Variants in FA2H observed in about 807,000 individuals in gnomAD.
FA2H encodes the protein fatty acid 2-hydroxylase.
Under a neutral mutation model 44.9 loss-of-function variants are expected in FA2H, and 22 were observed. That is an observed-to-expected ratio of 0.49 (90% confidence interval 0.35 to 0.70). The LOEUF (loss-of-function observed/expected upper bound fraction) is 0.70. Among genes scored for constraint, FA2H ranks in the 30% least tolerant of loss-of-function variants. FA2H has a pLI of 0.01. For synonymous variants in FA2H, 243 were observed against 213.2 expected, an observed-to-expected ratio of 1.14 and a Z score of -1.22; for missense variants, 501 against 504.9, an observed-to-expected ratio of 0.99 and a Z score of 0.07.
chr16:74,716,004 C>T (rs7192122), intron 6 of FA2H, among the ~76,000 whole-genome samples: 11,247 of 151,946 alleles, frequency 0.074, 837 homozygotes, highest in African/African-American at 0.19. Flanking sequence ...CTAGTGGAGA[C>T]AGGTTTCACC....
At chr16:74,740,630 A>AATAATG (rs1223060251) in intron 1 of FA2H, among the ~76,000 whole-genome samples, 4 of 83,152 alleles carry the variant, frequency 4.8e-5, no homozygotes, top group African/African-American at 1.2e-4. Flanking sequence ...AAATAATAAT[A>AATAATG]ATAATAATAA....
At chr16:74,765,397 T>A (rs986804396) in intron 1 of FA2H, among the ~76,000 whole-genome samples, 1 of 152,184 alleles carries the variant, frequency 6.6e-6, no homozygotes, top group African/African-American at 2.4e-5. Context: ...CCTCAGGTAA[T>A]CCGCCTGCCT....
rs372014989 is a variant in FA2H at position 74,758,251 on chromosome 16, G to A, written c.270+16235C>T. Among the ~76,000 whole-genome samples, 8 of 150,950 alleles carry A rather than the reference G, an allele frequency of 5.3e-5. No individual in the cohort carries two copies. In the East Asian group the frequency reaches 1.4e-3, roughly 26 times the overall value. Reference sequence around the variant, plus strand: ...TTCTCCTGCCTCAGCCTCCTGAGTAGCTGGGATTATAGGCGCACACCACCA... The same window carrying A: ...TTCTCCTGCCTCAGCCTCCTGAGTAACTGGGATTATAGGCGCACACCACCA... On this transcript the variant is annotated intron_variant, in intron 1 of 6. Transcript: ENST00000219368.
chr16:74,714,182 G>A lies in FA2H; in HGVS notation c.*8C>T, dbSNP rs376143745. 1 of 1,546,232 alleles carries A rather than the reference G, an allele frequency of 6.5e-7. No individual in the cohort carries two copies. The highest frequency in any genetic ancestry group is 8.8e-7 in the Non-Finnish European group (1 of 1,140,368). Reference sequence around the variant, plus strand: ...GGGCTGAGGGCAGGACGGAGGGGGTGGGAGTTGTCACTGCGTCTTCAGGTG... The same window carrying A: ...GGGCTGAGGGCAGGACGGAGGGGGTAGGAGTTGTCACTGCGTCTTCAGGTG... On this transcript the variant is annotated 3_prime_UTR_variant, in exon 7 of 7. Coordinates refer to ENST00000219368, the MANE Select transcript of FA2H (RefSeq NM_024306.5).
Position 74,726,233 on chromosome 16 carries a change from A to T in FA2H, c.605T>A (p.Phe202Tyr). 1 of 1,611,672 alleles carries T rather than the reference A, an allele frequency of 6.2e-7. No homozygotes were observed. Among genetic ancestry groups the T allele is most frequent in the East Asian group, 2.2e-5 (1 of 44,858 alleles). The change falls in exon 4 of 7, where the codon TTT becomes TAT. Residue 202 changes from phenylalanine to tyrosine, a missense_variant. Phe to Tyr is a conservative substitution (Grantham distance 22, BLOSUM62 3). Coordinates refer to ENST00000219368, the MANE Select transcript of FA2H (RefSeq NM_024306.5). ...AAAGAAACTGGCATTACCTGTTGTA[A>T]ATGACGTGAAGAGTCGGACGTTGCC... ...AQGNVRLFTS[F>Y]TTEYTVAVPK...
Position 74,716,564 on chromosome 16 carries a change from AG to A in FA2H, c.821del (p.Pro274LeufsTer7), listed in dbSNP as rs1208354117. On this transcript the variant is annotated frameshift_variant, in exon 6 of 7. Coordinates refer to ENST00000219368, the MANE Select transcript of FA2H (RefSeq NM_024306.5). LOFTEE classifies it high-confidence loss of function. ...CGCCGATCACCAGGGAGGCTGGCAC[AG>A]GGGGGAAGACCAGGCGGGAGCCGTC... The part of the protein sequence containing the change: ...PFDGSRLVFP[P>X]VPASLVIGVF... The A allele has an allele frequency of 6.3e-7, 1 of 1,597,188 alleles. No individual in the cohort carries two copies. Among genetic ancestry groups the A allele is most frequent in the East Asian group, 2.3e-5 (1 of 44,060 alleles).
chr16:74,717,028 G>A (rs1961721792), intron 5 of FA2H: 1 of 188,262 alleles, frequency 5.3e-6, no homozygotes, highest in African/African-American at 2.3e-5. Context: ...TGTTGTCTGG[G>A]AGAGCAAGGC....
At chr16:74,733,446 C>G (rs1321703293) in intron 2 of FA2H, among the ~76,000 whole-genome samples, 1 of 152,174 alleles carries the variant, frequency 6.6e-6, no homozygotes, top group African/African-American at 2.4e-5. Context: ...CTCCCTCCCC[C>G]TTCCCCCAGC....
chr16:74,737,919 T>G (rs1962213861), intron 2 of FA2H, among the ~76,000 whole-genome samples: 1 of 152,178 alleles, frequency 6.6e-6, no homozygotes, highest in South Asian at 2.1e-4. Context: ...CCCCAGCCTC[T>G]CTGTTCCCAC....
intron 1 of FA2H, among the ~76,000 whole-genome samples, chr16:74,748,801 G>C (rs981430903): frequency 2.0e-5 from 3 of 152,226 alleles, no homozygotes; most frequent in Non-Finnish European, 4.4e-5. Context: ...CCGGCATAAA[G>C]GCATGTTGTT....
chr16:74,768,466 G>A (rs910417582), intron 1 of FA2H, among the ~76,000 whole-genome samples: 5 of 152,216 alleles, frequency 3.3e-5, no homozygotes, highest in Non-Finnish European at 7.3e-5. Flanking sequence ...CCCTGCAGGT[G>A]GTAGAGGGCA....
chr16:74,752,256 C>T (rs1421519203), intron 1 of FA2H, among the ~76,000 whole-genome samples: 2 of 152,168 alleles, frequency 1.3e-5, no homozygotes, highest in African/African-American at 2.4e-5. Flanking sequence ...ACATGGCAGC[C>T]AGAGCTAACT....
At chr16:74,738,883 C>T (rs1219177855) in intron 2 of FA2H, among the ~76,000 whole-genome samples, 1 of 152,252 alleles carries the variant, frequency 6.6e-6, no homozygotes, top group Non-Finnish European at 1.5e-5. Context: ...CCATCTTGCC[C>T]TGGGTTCTGC....
Position 74,715,239 on chromosome 16 carries a change from T to A in FA2H, c.1040-970A>T, listed in dbSNP as rs533251862. 1.6e-3 allele frequency among the ~76,000 whole-genome samples: 242 copies of A among 152,272 alleles called. 8 individuals are homozygous for A. The South Asian group carries it at 0.048, about 30-fold the overall frequency. The stretch of plus-strand genomic sequence containing the variant: ...TATCTGAATTGAGATGTGCTGTAAG[T>A]ACAAAATACACCTTAGATTTCAAAG... On this transcript the variant is annotated intron_variant, in intron 6 of 6. Transcript: ENST00000219368.
In FA2H at chr16:74,735,613, C is replaced by T. The variant is rs527338943; in HGVS notation, c.363+4410G>A. On this transcript the variant is annotated intron_variant, in intron 2 of 6. Coordinates refer to ENST00000219368, the MANE Select transcript of FA2H (RefSeq NM_024306.5). ...GAAGGGAGCCTGCCCAGGGGCCCCA[C>T]CCCAAAACCAGGTAGGGTGGTCTTT... Among the ~76,000 whole-genome samples the T allele has an allele frequency of 2.6e-5, 4 of 152,338 alleles. No individual in the cohort carries two copies. In the East Asian group the frequency reaches 7.7e-4, roughly 29 times the overall value.
chr16:74,767,303 TA>T (rs376420647), intron 1 of FA2H, among the ~76,000 whole-genome samples: 37 of 145,520 alleles, frequency 2.5e-4, no homozygotes, highest in African/African-American at 3.3e-4. Flanking sequence ...GGGAGACTCA[TA>T]AAAAAAAAAA....
intron 1 of FA2H, among the ~76,000 whole-genome samples, chr16:74,758,230 C>T (rs1233022088): frequency 6.7e-6 from 1 of 149,636 alleles, no homozygotes; most frequent in South Asian, 2.1e-4. Context: ...AAGCAATTCT[C>T]CTGCCTCAGC....
intron 6 of FA2H, 118 bp downstream of exon 6, chr16:74,716,229 C>G: frequency 2.5e-6 from 3 of 1,180,866 alleles, no homozygotes; most frequent in Non-Finnish European, 3.7e-6. Flanking sequence ...TAGAGGGAAC[C>G]CTCTGTATAT....
chr16:74,760,439 G>A lies in FA2H; in HGVS notation c.270+14047C>T, dbSNP rs141879891. Among the ~76,000 whole-genome samples the A allele has an allele frequency of 4.1e-3, 619 of 152,308 alleles. 5 individuals carry two copies. Among genetic ancestry groups the A allele is most frequent in the Non-Finnish European group, 4.6e-3 (311 of 68,024 alleles). ...CTAAGCGCCTGTGATGGCAGGTAAA[G>A]CTTTTCAAGCCAACACATCATCCCA... On this transcript the variant is annotated intron_variant, in intron 1 of 6. Transcript: ENST00000219368.
Sources: allele counts gnomAD v4.1 joint callset (sites outside exome capture counted in the v4.1 genomes callset), GRCh38; gene constraint gnomAD v4.1.1; transcripts MANE v1.5; gene names NCBI Gene and HGNC (gene_info 2026-07-23, HGNC 2026-07-21).